The following KIF1B variants were observed in gnomAD, a reference collection of about 807,000 sequenced individuals.
KIF1B encodes the protein kinesin-like protein KIF1B.
Under a neutral mutation model 241.9 loss-of-function variants are expected in KIF1B, and 76 were observed. The ratio of observed to expected loss-of-function variants is 0.31; its 90% CI spans 0.26 to 0.38. The LOEUF is 0.38. Among genes scored for constraint, KIF1B ranks in the 10% least tolerant of loss-of-function variants. The pLI is 1.00. For synonymous variants in KIF1B, 750 were observed against 796.7 expected (o/e 0.94, Z 0.99); for missense variants, 1,622 against 2,271.4 (o/e 0.71, Z 5.81).
chr1:10,258,120 T>G (rs1375709461), intron 3 of KIF1B, among the ~76,000 whole-genome samples: 1 of 152,232 alleles, frequency 6.6e-6, no homozygotes, highest in African/African-American at 2.4e-5. Flanking sequence ...AGAAGTATTT[T>G]TATATGTGGA....
intron 24 of KIF1B, 50 bp downstream of exon 24, chr1:10,321,907 G>C (rs887963868): frequency 5.6e-6 from 9 of 1,609,360 alleles, no homozygotes; most frequent in Non-Finnish European, 6.8e-6. Flanking sequence ...CGAGCCTGCT[G>C]TGGGTGCATC....
rs746270104 is a variant in KIF1B at position 10,345,928 on chromosome 1, A to G, written c.3772A>G (p.Ile1258Val). 2.5e-6 allele frequency: 4 copies of G among 1,613,162 alleles called. No individual in the cohort carries two copies. The highest frequency in any genetic ancestry group is 2.7e-5 in the African/African-American group (2 of 74,918). The change falls in exon 35 of 49, where the codon ATC becomes GTC. Residue 1258 changes from isoleucine to valine, a missense_variant. Ile to Val is a conservative substitution (Grantham distance 29, BLOSUM62 3). Around this residue, in one of 7 missense-constraint regions of KIF1B, gnomAD observed 803 missense variants for 1,112.0 expected, o/e 0.72. Coordinates refer to ENST00000676179, the MANE Select transcript of KIF1B (RefSeq NM_001365951.3). ...GTATGACCTCCTGGTTTGGTTTGAG[A>G]TCAGTGAACTGGAGCCTACAGGAGA... ...SKYDLLVWFE[I>V]SELEPTGEYI...
chr1:10,247,779 G>T (rs1429223797), intron 2 of KIF1B, among the ~76,000 whole-genome samples: 1 of 152,164 alleles, frequency 6.6e-6, no homozygotes, highest in Non-Finnish European at 1.5e-5. Context: ...TACAGCAGTG[G>T]TCCCCAACCT....
chr1:10,374,130 C>T lies in KIF1B; in HGVS notation c.4947-186C>T, dbSNP rs1188391120. Among the ~76,000 whole-genome samples, 1 of 152,110 alleles carries T rather than the reference C, an allele frequency of 6.6e-6. No individual in the cohort carries two copies. Among genetic ancestry groups the T allele is most frequent in the East Asian group, 1.9e-4 (1 of 5,198 alleles). On this transcript the variant is annotated intron_variant, in intron 45 of 48. Coordinates refer to ENST00000676179, the MANE Select transcript of KIF1B (RefSeq NM_001365951.3). This position sits in a 1 kb window ranked among gnomAD's most constrained non-coding sequence, Gnocchi z 4.3. ...TTTCATAACTTCAGAAGGATGACAC[C>T]AGTTGAACGCAGAGTTAACTTTCTG...
intron 1 of KIF1B, among the ~76,000 whole-genome samples, chr1:10,217,220 C>T (rs1475831295): frequency 4.0e-5 from 6 of 150,078 alleles, no homozygotes; most frequent in East Asian, 2.0e-4. Context: ...GTGATCCGCC[C>T]GCCTCTGCCT....
Position 10,212,933 on chromosome 1 carries a change from C to T in KIF1B, c.-80+2055C>T, listed in dbSNP as rs6702818. On this transcript the variant is annotated intron_variant, in intron 1 of 48. Transcript: ENST00000676179. ...ATATATATATATATATATATATATA[C>T]ACACACACATTTAAAAAATTTGGAT... Among the ~76,000 whole-genome samples the T allele has an allele frequency of 3.0e-3, 235 of 77,212 alleles. 1 individual carries two copies. The highest frequency in any genetic ancestry group is 7.2e-3 in the African/African-American group (94 of 13,126). 50.7% of individuals were successfully genotyped at this position (77,212 alleles called of 152,430 possible).
At chr1:10,363,387 A>G (rs1384344664) in intron 41 of KIF1B, 43 bp downstream of exon 41, 6 of 1,495,082 alleles carry the variant, frequency 4.0e-6, no homozygotes, top group South Asian at 1.1e-5. Context: ...ATCTTTGTGT[A>G]TGTTTCAAGT....
chr1:10,331,672 G>A (rs966602036), intron 27 of KIF1B, among the ~76,000 whole-genome samples: 1 of 152,190 alleles, frequency 6.6e-6, no homozygotes, highest in Non-Finnish European at 1.5e-5. Context: ...AGCAGGAAAA[G>A]CATCAGATAA....
intron 1 of KIF1B, among the ~76,000 whole-genome samples, chr1:10,231,270 G>C (rs1343501327): frequency 6.6e-6 from 1 of 151,604 alleles, no homozygotes; most frequent in Admixed American, 6.6e-5. Context: ...ATAGTTAAAC[G>C]AATTGACTAG....
intron 22 of KIF1B, chr1:10,304,225 A>G: frequency 6.2e-7 from 1 of 1,614,218 alleles, no homozygotes; most frequent in Non-Finnish European, 8.5e-7. Context: ...AGGAGCTTTT[A>G]AGGATCCCCA....
chr1:10,296,985 T>G lies in KIF1B; in HGVS notation c.1950T>G (p.Ala650=). Residue 650 remains alanine, a synonymous_variant, in exon 21 of 49, where the codon GCT becomes GCG. Transcript: ENST00000676179. The part of the protein sequence containing the change: ...ARAEREKTPS[A]ETPSEPVDWT... ...CTGAGCGAGAGAAGACTCCTTCTGC[T>G]GAGACCCCCTCTGAGCCTGTGGACT... is the stretch of plus-strand genomic sequence containing the variant. 1 of 1,614,106 alleles carries G rather than the reference T, an allele frequency of 6.2e-7. No homozygotes were observed. The highest frequency in any genetic ancestry group is 1.7e-5 in the Admixed American group (1 of 60,010).
intron 26 of KIF1B, among the ~76,000 whole-genome samples, 179 bp from the exon 27 acceptor site, chr1:10,325,932 C>T (rs896728936): frequency 6.6e-6 from 1 of 152,098 alleles, no homozygotes; most frequent in Non-Finnish European, 1.5e-5. Flanking sequence ...TCAACTTGCC[C>T]TTGTTCCCTT....
At chr1:10,312,129 T>TA (rs1407171757) in intron 22 of KIF1B, among the ~76,000 whole-genome samples, 2 of 149,908 alleles carry the variant, frequency 1.3e-5, no homozygotes, top group African/African-American at 5.0e-5. Context: ...ATGCTGATGA[T>TA]ACACAACTAC....
rs1556916 is a variant in KIF1B at position 10,343,424 on chromosome 1, G to A, written c.3688+137G>A. 290,697 of 846,376 alleles carry A rather than the reference G, an allele frequency of 0.34. 51,197 individuals are homozygous for A. Among genetic ancestry groups the A allele is most frequent in the Admixed American group, 0.39 (19,221 of 49,842 alleles). 52.4% of individuals were successfully genotyped at this position (846,376 alleles called of 1,614,324 possible). A position where few individuals can be genotyped will look rare whatever the true frequency, so the allele number is the denominator to read the frequency against. On this transcript the variant is annotated intron_variant, in intron 34 of 48. Transcript: ENST00000676179. ...ACATGTATTCCTGCTCCTCTTGTATGTATCTAGTAGGAACTAGAATTCCTA... is the reference window on the plus strand; with the variant it reads ...ACATGTATTCCTGCTCCTCTTGTATATATCTAGTAGGAACTAGAATTCCTA...
chr1:10,371,199 C>T lies in KIF1B; in HGVS notation c.4883C>T (p.Thr1628Ile). 2 of 1,614,100 alleles carry T rather than the reference C, an allele frequency of 1.2e-6. No individual in the cohort carries two copies. The highest frequency in any genetic ancestry group is 2.2e-5 in the South Asian group (2 of 91,084). ...TCTGAGTCCAGTTTCAGCAGTGCCA[C>T]CCTCACTCCCTCCTCCACCTGTCCC... ...DPSESSFSSA[T>I]LTPSSTCPSL... Residue 1628 changes from threonine (T) to isoleucine (I), a missense_variant, in exon 45 of 49, where the codon ACC becomes ATC. Physicochemically the swap from Thr to Ile is moderately conservative, Grantham distance 89. This residue lies in a region of KIF1B where 357 missense variants were observed against 409.0 expected (regional missense o/e 0.87). Transcript: ENST00000676179.
intron 1 of KIF1B, among the ~76,000 whole-genome samples, chr1:10,226,364 G>A (rs1646908903): frequency 6.6e-6 from 1 of 152,132 alleles, no homozygotes; most frequent in African/African-American, 2.4e-5. Context: ...AAATGTATGT[G>A]TGTATGTATG....
intron 17 of KIF1B, among the ~76,000 whole-genome samples, chr1:10,292,836 A>G (rs1411989577): frequency 6.6e-6 from 1 of 152,222 alleles, no homozygotes; most frequent in Non-Finnish European, 1.5e-5. Context: ...TGTATCAGAA[A>G]ATAGGAGAAC....
intron 1 of KIF1B, among the ~76,000 whole-genome samples, chr1:10,221,345 G>T (rs1646842901): frequency 1.3e-5 from 2 of 151,984 alleles, no homozygotes; most frequent in South Asian, 2.1e-4. Flanking sequence ...TGATCTGTCC[G>T]CTTCGGCCTC....
intron 22 of KIF1B, chr1:10,307,877 C>G (rs1650905538): frequency 1.9e-6 from 2 of 1,047,808 alleles, no homozygotes; most frequent in Non-Finnish European, 1.2e-6. Flanking sequence ...AAGTGTAAAC[C>G]AAAGGGCATT....
Sources: gnomAD v4.1 joint callset for allele counts (sites outside exome capture counted in the v4.1 genomes callset) on GRCh38, gnomAD v4.1.1 for gene constraint, gnomAD v4.1.1 regional missense constraint, Gnocchi (gnomAD v3.1) non-coding constraint, MANE v1.5 for transcripts, NCBI Gene and HGNC (gene_info 2026-07-23, HGNC 2026-07-21) for gene names.